GSE1: variants seen among roughly 807,000 people sequenced by gnomAD.
GSE1 encodes the protein Gse1 coiled-coil protein.
GSE1 carries 32 observed loss-of-function variants against 112.6 expected under a neutral mutation model. The observed-to-expected ratio is 0.28, with a 90% confidence interval of 0.21 to 0.38. GSE1 has a LOEUF of 0.38. GSE1 is among the 10% of genes least tolerant of loss of function. The probability of loss-of-function intolerance (pLI) is 1.00; values close to 1 mark genes in which losing one functional copy is unlikely to be tolerated. For missense variants in GSE1, 2,348 were observed against 1,699.2 expected, an observed-to-expected ratio of 1.38 and a Z score of -6.71; for synonymous variants, 1,115 against 735.6, an observed-to-expected ratio of 1.52 and a Z score of -8.35.
intron 2 of GSE1, chr16:85,357,741 C>T (rs920096685): frequency 2.8e-5 from 20 of 722,442 alleles, no homozygotes; most frequent in African/African-American, 3.7e-5. Flanking sequence ...GATACAGTTC[C>T]GCCTTGTGTC....
intron 2 of GSE1, among the ~76,000 whole-genome samples, chr16:85,398,272 T>A (rs1298424953): frequency 6.6e-6 from 1 of 152,070 alleles, no homozygotes; most frequent in Non-Finnish European, 1.5e-5. Flanking sequence ...GGAGAAGGAA[T>A]GTTAACATGT....
At chr16:85,433,685 G>A (rs1169582163) in intron 2 of GSE1, among the ~76,000 whole-genome samples, 1 of 151,978 alleles carries the variant, frequency 6.6e-6, no homozygotes, top group African/African-American at 2.4e-5. Context: ...GATTGGATGA[G>A]CAGAAGGATA....
intron 2 of GSE1, among the ~76,000 whole-genome samples, chr16:85,639,899 G>A (rs1359509553): frequency 6.6e-6 from 1 of 152,166 alleles, no homozygotes; most frequent in Non-Finnish European, 1.5e-5. Flanking sequence ...GAGGTACGGG[G>A]AGCCTTGCGT....
intron 1 of GSE1, among the ~76,000 whole-genome samples, chr16:85,274,000 G>A (rs1213079087): frequency 2.0e-5 from 3 of 151,198 alleles, no homozygotes; most frequent in African/African-American, 7.3e-5. Context: ...CCCATCCAGG[G>A]TCTCTTTTTG....
At chr16:85,645,254 G>A (rs2050758668) in intron 2 of GSE1, among the ~76,000 whole-genome samples, 2 of 152,110 alleles carry the variant, frequency 1.3e-5, no homozygotes, top group South Asian at 4.1e-4. Context: ...TTCCCCACCT[G>A]GGCCAGATCC....
chr16:85,592,008 C>T (rs538949166), intron 1 of GSE1, among the ~76,000 whole-genome samples: 3 of 152,330 alleles, frequency 2.0e-5, no homozygotes, highest in South Asian at 2.1e-4. Context: ...TTTTAATTCA[C>T]GTCAGTTTAA....
chr16:85,628,743 CAG>C (rs1265697371), intron 1 of GSE1, among the ~76,000 whole-genome samples: 1 of 152,212 alleles, frequency 6.6e-6, no homozygotes, highest in Admixed American at 6.5e-5. Flanking sequence ...TTAGAACATA[CAG>C]AGAGAGAAAA....
Position 85,655,747 on chromosome 16 carries a change from G to C in GSE1, c.819G>C (p.Leu273=). The change falls in exon 6 of 16, where the codon CTG becomes CTC. Residue 273 remains leucine, a synonymous_variant. Transcript: ENST00000253458. Reference sequence around the variant, plus strand: ...ACAGGATGGACGACTCCTACTGCCTGTCTGCCCTGAGGTCCCCGTTCTACC... The same window carrying C: ...ACAGGATGGACGACTCCTACTGCCTCTCTGCCCTGAGGTCCCCGTTCTACC... ...PAFRMDDSYC[L]SALRSPFYPI... is the part of the protein sequence containing the mutation. 6.2e-7 allele frequency: 1 copy of C among 1,606,694 alleles called. No homozygotes were observed. Among genetic ancestry groups the C allele is most frequent in the Non-Finnish European group, 8.5e-7 (1 of 1,176,802 alleles).
chr16:85,668,582 G>A lies in GSE1; in HGVS notation c.3415+158G>A, dbSNP rs77694698. On this transcript the variant is annotated intron_variant, in intron 14 of 15. Coordinates refer to ENST00000253458, the MANE Select transcript of GSE1 (RefSeq NM_014615.5). ...ATACTGGAAGTTTCTTCCGGCTTCT[G>A]GTAGCGGTGATGTCCCATGCTGGAA... Among the ~76,000 whole-genome samples the A allele has an allele frequency of 2.8e-3, 430 of 152,300 alleles. 2 individuals carry two copies. Among genetic ancestry groups the A allele is most frequent in the African/African-American group, 9.9e-3 (413 of 41,558 alleles).
intron 13 of GSE1, among the ~76,000 whole-genome samples, chr16:85,667,827 C>T (rs768554695): frequency 7.2e-5 from 11 of 152,174 alleles, no homozygotes; most frequent in Non-Finnish European, 1.3e-4. Context: ...CATTTCTCTC[C>T]AGCCTGCTAC....
chr16:85,246,214 C>T (rs1302437974), intron 1 of GSE1, among the ~76,000 whole-genome samples: 4 of 143,826 alleles, frequency 2.8e-5, no homozygotes, highest in Admixed American at 2.8e-4. Flanking sequence ...CACACACACA[C>T]ACACACACAC....
At chr16:85,301,390 G>A (rs968696994) in intron 1 of GSE1, among the ~76,000 whole-genome samples, 3 of 152,202 alleles carry the variant, frequency 2.0e-5, no homozygotes, top group African/African-American at 4.8e-5. Flanking sequence ...GCGGGTTCCT[G>A]GGATGATGGA....
intron 1 of GSE1, among the ~76,000 whole-genome samples, chr16:85,297,842 C>G (rs1471531827): frequency 6.6e-6 from 1 of 152,130 alleles, no homozygotes; most frequent in Non-Finnish European, 1.5e-5. Context: ...TTCCTTGTCT[C>G]CCTCTGTTGC....
At chr16:85,287,725 T>A (rs1247272945) in intron 1 of GSE1, among the ~76,000 whole-genome samples, 2 of 152,080 alleles carry the variant, frequency 1.3e-5, no homozygotes, top group Non-Finnish European at 2.9e-5. Flanking sequence ...CCCGATGCCA[T>A]TTTCCTCCTT....
intron 1 of GSE1, among the ~76,000 whole-genome samples, chr16:85,291,506 C>T (rs1392068723): frequency 6.6e-6 from 1 of 152,238 alleles, no homozygotes; most frequent in Non-Finnish European, 1.5e-5. Context: ...CCTGGTGTCC[C>T]ATGGGGTCGA....
intron 1 of GSE1, among the ~76,000 whole-genome samples, chr16:85,288,172 G>A (rs529873020): frequency 2.6e-5 from 4 of 152,250 alleles, no homozygotes; most frequent in East Asian, 3.9e-4. Flanking sequence ...CCCGGGAGGC[G>A]GAGGTTGCAG....
intron 2 of GSE1, among the ~76,000 whole-genome samples, chr16:85,384,021 C>T (rs978428783): frequency 2.0e-5 from 3 of 152,230 alleles, no homozygotes; most frequent in Non-Finnish European, 2.9e-5. Context: ...GAATCCAGTT[C>T]AGGCCAGTGA....
chr16:85,399,760 G>A (rs953827402), intron 2 of GSE1, among the ~76,000 whole-genome samples: 14 of 152,252 alleles, frequency 9.2e-5, no homozygotes, highest in African/African-American at 3.4e-4. Flanking sequence ...ATTCTGCTGA[G>A]TTCGGGGGAA....
intron 2 of GSE1, among the ~76,000 whole-genome samples, chr16:85,478,923 C>CTTTTTTTTT (rs1567520887): frequency 2.7e-5 from 1 of 37,630 alleles, no homozygotes; most frequent in African/African-American, 1.6e-4. Context: ...TTCTTTCTTT[C>CTTTTTTTTT]TTTCTCTTTC....
Sources: allele counts gnomAD v4.1 joint callset (sites outside exome capture counted in the v4.1 genomes callset), GRCh38; gene constraint gnomAD v4.1.1; transcripts MANE v1.5; gene names NCBI Gene and HGNC (gene_info 2026-07-23, HGNC 2026-07-21).